The following EBF3 variants were observed in gnomAD, a reference collection of about 807,000 sequenced individuals.
The protein encoded by EBF3 is EBF transcription factor 3.
Under a neutral mutation model 77.1 loss-of-function variants are expected in EBF3, and 18 were observed. That is an observed-to-expected ratio of 0.23 (90% CI 0.16 to 0.35). The LOEUF is 0.35. EBF3 is among the 10% of genes least tolerant of loss of function. EBF3 has a pLI of 1.00. For missense variants in EBF3, 558 were observed against 860.0 expected, an observed-to-expected ratio of 0.65 and a Z score of 4.39; for synonymous variants, 350 against 343.5, an observed-to-expected ratio of 1.02 and a Z score of -0.21.
chr10:129,877,709 A>G, intron 7 of EBF3, 59 bp downstream of exon 7: 1 of 1,452,826 alleles, frequency 6.9e-7, no homozygotes, highest in Non-Finnish European at 9.6e-7. Context: ...AAATCAGAGA[A>G]TTCAAATTTG....
In EBF3 at chr10:129,837,615, A is replaced by C. The variant is rs941918423; in HGVS notation, c.*328T>G. On this transcript the variant is annotated 3_prime_UTR_variant, in exon 17 of 17. Transcript: ENST00000440978. ...TCCCAACACATAGCAATTACTAGACATGGCCAAGACGGAGTCGGAAACTTT... is the reference window on the plus strand; with the variant it reads ...TCCCAACACATAGCAATTACTAGACCTGGCCAAGACGGAGTCGGAAACTTT... 6.1e-6 allele frequency: 2 copies of C among 326,548 alleles called. No homozygotes were observed. The highest frequency in any genetic ancestry group is 9.1e-5 in the South Asian group (2 of 21,916). The allele number at this position is 326,548 out of a possible 1,614,324, so 20.2% of individuals were successfully genotyped here. A position where few individuals can be genotyped will look rare whatever the true frequency, so the allele number is the denominator to read the frequency against.
chr10:129,919,203 C>T (rs1228826702), intron 6 of EBF3, among the ~76,000 whole-genome samples: 2 of 152,156 alleles, frequency 1.3e-5, no homozygotes, highest in Non-Finnish European at 2.9e-5. Flanking sequence ...ACATGGGCAG[C>T]AGGGTCTCTG....
intron 6 of EBF3, among the ~76,000 whole-genome samples, chr10:129,915,823 G>A (rs1407544901): frequency 6.6e-6 from 1 of 152,222 alleles, no homozygotes; most frequent in Non-Finnish European, 1.5e-5. Context: ...GAATGAAGAT[G>A]AGAAGGGGCT....
intron 6 of EBF3, among the ~76,000 whole-genome samples, chr10:129,907,691 A>G (rs570847987): frequency 3.9e-5 from 6 of 152,360 alleles, no homozygotes; most frequent in African/African-American, 1.4e-4. Context: ...TCAGTCAATC[A>G]TAATAAAAAA....
At chr10:129,939,716 G>A (rs1237310650) in intron 6 of EBF3, among the ~76,000 whole-genome samples, 1 of 152,184 alleles carries the variant, frequency 6.6e-6, no homozygotes, top group Non-Finnish European at 1.5e-5. Context: ...AGCGATCAAT[G>A]GAGTTAGAAT....
chr10:129,855,050 G>C (rs927945900), intron 10 of EBF3, among the ~76,000 whole-genome samples: 2 of 152,208 alleles, frequency 1.3e-5, no homozygotes, highest in Admixed American at 1.3e-4. Flanking sequence ...TGCCAGCGGG[G>C]GATGGCTCAG....
chr10:129,846,143 TGTGTAA>T (rs1031923562), intron 11 of EBF3, among the ~76,000 whole-genome samples: 1 of 143,106 alleles, frequency 7.0e-6, no homozygotes, highest in African/African-American at 2.8e-5. Context: ...TGTGTGTGTG[TGTGTAA>T]AACATTTGCC....
chr10:129,846,769 G>A (rs766606662), intron 11 of EBF3, among the ~76,000 whole-genome samples: 4 of 152,188 alleles, frequency 2.6e-5, no homozygotes, highest in Middle Eastern at 3.4e-3. Flanking sequence ...TTCAGTGATC[G>A]TTTTATGTGA....
chr10:129,911,904 C>T (rs1855550015), intron 6 of EBF3, among the ~76,000 whole-genome samples: 1 of 152,102 alleles, frequency 6.6e-6, no homozygotes, highest in African/African-American at 2.4e-5. Context: ...AAGGGGTCTC[C>T]GCGAGGCCTC....
At chr10:129,862,863 G>A (rs903576120) in intron 10 of EBF3, among the ~76,000 whole-genome samples, 4 of 152,062 alleles carry the variant, frequency 2.6e-5, no homozygotes, top group African/African-American at 9.7e-5. Flanking sequence ...GTTTCTACGG[G>A]TGAAATTATA....
At chr10:129,857,527 T>C (rs765468495) in intron 10 of EBF3, among the ~76,000 whole-genome samples, 1 of 152,180 alleles carries the variant, frequency 6.6e-6, no homozygotes, top group Non-Finnish European at 1.5e-5. Context: ...TCCTCTCAAA[T>C]CTGCCAGCGC....
chr10:129,931,340 A>T (rs1425766376), intron 6 of EBF3, among the ~76,000 whole-genome samples: 1 of 152,212 alleles, frequency 6.6e-6, no homozygotes, highest in Non-Finnish European at 1.5e-5. Context: ...TTTTTCTGGG[A>T]TCCAAGTGCA....
intron 6 of EBF3, among the ~76,000 whole-genome samples, chr10:129,894,426 C>A (rs1022498943): frequency 6.6e-6 from 1 of 152,216 alleles, no homozygotes; most frequent in East Asian, 1.9e-4. Context: ...AAGGTCTGTA[C>A]CCATCACCCA....
intron 10 of EBF3, among the ~76,000 whole-genome samples, chr10:129,860,077 C>T (rs1044754286): frequency 2.6e-5 from 4 of 152,086 alleles, no homozygotes; most frequent in Admixed American, 1.3e-4. Context: ...TTATTATCCC[C>T]GCTTTATTCT....
intron 10 of EBF3, among the ~76,000 whole-genome samples, chr10:129,866,010 A>G (rs1392560241): frequency 6.6e-6 from 1 of 152,228 alleles, no homozygotes. Context: ...CATCTTGCTC[A>G]CTGTCACTCG....
In EBF3 at chr10:129,879,779, C is replaced by A. The variant is rs1257879174; in HGVS notation, c.555-1930G>T. Among the ~76,000 whole-genome samples the A allele has an allele frequency of 6.6e-6, 1 of 152,208 alleles. No individual in the cohort carries two copies. Among genetic ancestry groups the A allele is most frequent in the Non-Finnish European group, 1.5e-5 (1 of 68,046 alleles). On this transcript the variant is annotated intron_variant, in intron 6 of 16. Transcript: ENST00000440978. This position sits in a 1 kb window ranked among gnomAD's most constrained non-coding sequence, Gnocchi z 4.7. Reference sequence around the variant, plus strand: ...TCCGCAGCGAGGTAAATGAGGCGCACCTGCGGCCACACTGCATTTGAACTG... The same window carrying A: ...TCCGCAGCGAGGTAAATGAGGCGCAACTGCGGCCACACTGCATTTGAACTG...
Position 129,836,359 on chromosome 10 carries a change from G to C in EBF3, c.*1584C>G, listed in dbSNP as rs1849607503. On this transcript the variant is annotated 3_prime_UTR_variant, in exon 17 of 17. Coordinates refer to ENST00000440978, the MANE Select transcript of EBF3 (RefSeq NM_001375380.1). ...GTTCAGCTATGTGGCAAAGTCAATG[G>C]GTGGCATCTAAAATGACTTTTTACA... 1 of 152,252 alleles carries C rather than the reference G, an allele frequency of 6.6e-6. No individual in the cohort carries two copies. Among genetic ancestry groups the C allele is most frequent in the Admixed American group, 6.6e-5 (1 of 15,250 alleles). 9.4% of individuals were successfully genotyped at this position (152,252 alleles called of 1,614,324 possible). A position where few individuals can be genotyped will look rare whatever the true frequency, so the allele number is the denominator to read the frequency against.
rs183728135 is a variant in EBF3 at position 129,943,081 on chromosome 10, T to C, written c.554+14177A>G. ...GTCCTCCATTCTAAACCACTTTGCC[T>C]GCACGATGGGAATGACTGGATCACT... On this transcript the variant is annotated intron_variant, in intron 6 of 16. Transcript: ENST00000440978. The surrounding 1 kb of genome is among the most constrained non-coding windows in gnomAD (Gnocchi z 8.8). 6.6e-5 allele frequency among the ~76,000 whole-genome samples: 10 copies of C among 152,322 alleles called. No individual in the cohort carries two copies. Among genetic ancestry groups the C allele is most frequent in the Non-Finnish European group, 1.0e-4 (7 of 68,032 alleles).
chr10:129,838,315 G>A (rs890673513), intron 16 of EBF3, among the ~76,000 whole-genome samples: 4 of 152,364 alleles, frequency 2.6e-5, no homozygotes, highest in East Asian at 1.9e-4. Context: ...ACGGAGGCCC[G>A]GAGCCCCCTC....
Sources: gnomAD v4.1 joint callset for allele counts (sites outside exome capture counted in the v4.1 genomes callset) on GRCh38, gnomAD v4.1.1 for gene constraint, Gnocchi (gnomAD v3.1) non-coding constraint, MANE v1.5 for transcripts, NCBI Gene and HGNC (gene_info 2026-07-23, HGNC 2026-07-21) for gene names.